Variants in SEMA4D observed in about 807,000 individuals in gnomAD.
SEMA4D encodes the protein semaphorin-4D.
In SEMA4D, 22 loss-of-function variants were observed where a neutral mutation model predicts 74.8. That is an observed-to-expected ratio of 0.29 (90% confidence interval 0.21 to 0.42). SEMA4D has a LOEUF of 0.42. Among genes scored for constraint, SEMA4D ranks in the 10% least tolerant of loss-of-function variants. The pLI, the probability that SEMA4D is intolerant of heterozygous loss-of-function variation, is 1.00. For missense variants in SEMA4D, 937 were observed against 1,118.4 expected, an observed-to-expected ratio of 0.84 and a Z score of 2.31; for synonymous variants, 445 against 463.7, an observed-to-expected ratio of 0.96 and a Z score of 0.52.
chr9:89,450,799 TC>T, intron 2 of SEMA4D: 1 of 787,844 alleles, frequency 1.3e-6, no homozygotes, highest in Non-Finnish European at 2.0e-6. Flanking sequence ...CTCATCCCCT[TC>T]CCACCACACC....
chr9:89,431,143 T>G (rs1849187660), intron 2 of SEMA4D, among the ~76,000 whole-genome samples: 1 of 152,206 alleles, frequency 6.6e-6, no homozygotes, highest in Non-Finnish European at 1.5e-5. Context: ...AAAACAGCAC[T>G]TAAGTGCAAG....
chr9:89,450,581 C>T, intron 2 of SEMA4D: 2 of 933,626 alleles, frequency 2.1e-6, no homozygotes, highest in Non-Finnish European at 3.5e-6. Flanking sequence ...TCCAGCCTGA[C>T]CTCTATAAGT....
chr9:89,373,142 G>A (rs755159746), downstream of SEMA4D, among the ~76,000 whole-genome samples: 10 of 152,076 alleles, frequency 6.6e-5, no homozygotes, highest in South Asian at 2.1e-4. Flanking sequence ...TCAAGCTCTC[G>A]CATCCCCAGG....
chr9:89,450,295 T>C (rs1193145654), intron 2 of SEMA4D: 37 of 921,508 alleles, frequency 4.0e-5, no homozygotes, highest in South Asian at 1.7e-4. Flanking sequence ...AGAACCACTA[T>C]GTACAAATGA....
intron 11 of SEMA4D, 38 bp from the exon 12 acceptor site, chr9:89,387,646 T>A: frequency 6.3e-7 from 1 of 1,591,324 alleles, no homozygotes; most frequent in Non-Finnish European, 8.6e-7. Context: ...CGTGCTCGTG[T>A]CCCACCACGC....
intron 1 of SEMA4D, among the ~76,000 whole-genome samples, chr9:89,483,875 GT>G (rs1394583122): frequency 6.6e-6 from 1 of 152,208 alleles, no homozygotes; most frequent in Non-Finnish European, 1.5e-5. Flanking sequence ...AATAAAAAAT[GT>G]TTTAGCAATA....
intron 16 of SEMA4D, among the ~76,000 whole-genome samples, chr9:89,370,625 G>GT (rs1171717074): frequency 1.3e-5 from 2 of 149,300 alleles, no homozygotes; most frequent in African/African-American, 5.0e-5. Context: ...GGATGTGTGT[G>GT]GGGGGGTACA....
intron 2 of SEMA4D, among the ~76,000 whole-genome samples, chr9:89,446,826 C>T (rs1420350389): frequency 1.3e-5 from 2 of 152,200 alleles, no homozygotes; most frequent in Non-Finnish European, 2.9e-5. Context: ...CTCCCCACAC[C>T]ACGCTGCACC....
intron 13 of SEMA4D, chr9:89,385,062 T>C: frequency 1.0e-6 from 1 of 984,342 alleles, no homozygotes; most frequent in Non-Finnish European, 1.2e-6. Context: ...CTCCTCCTCC[T>C]GGGCGCGAGG....
At position 89,381,493 on chromosome 9, in the gene SEMA4D, G is replaced by T; in HGVS notation, c.1447-147C>A. 3 of 721,134 alleles carry T rather than the reference G, an allele frequency of 4.2e-6. No homozygotes were observed. Among genetic ancestry groups the T allele is most frequent in the Non-Finnish European group, 6.4e-6 (3 of 467,020 alleles). The allele number at this position is 721,134 out of a possible 1,614,324, so 44.7% of individuals were successfully genotyped here. On this transcript the variant is annotated intron_variant, in intron 13 of 15. Coordinates refer to ENST00000422704, the MANE Select transcript of SEMA4D (RefSeq NM_001371194.2). This position sits in a 1 kb window ranked among gnomAD's most constrained non-coding sequence, Gnocchi z 4.6. ...AGGAGGAGAGGTACTCAGAACCAGA[G>T]GCAAACAAGGCAGGTCTGTGACCTT...
chr9:89,407,520 A>C (rs1413551680), intron 2 of SEMA4D, among the ~76,000 whole-genome samples: 1 of 152,206 alleles, frequency 6.6e-6, no homozygotes, highest in African/African-American at 2.4e-5. Flanking sequence ...TTTGTTACCA[A>C]CAAATACCAT....
chr9:89,461,198 C>A (rs958753989), intron 1 of SEMA4D, among the ~76,000 whole-genome samples: 1 of 152,124 alleles, frequency 6.6e-6, no homozygotes, highest in Non-Finnish European at 1.5e-5. Context: ...AATTACAAGG[C>A]TTAAGGTGGT....
chr9:89,430,632 G>A (rs1197907553), intron 2 of SEMA4D, among the ~76,000 whole-genome samples: 1 of 152,230 alleles, frequency 6.6e-6, no homozygotes, highest in East Asian at 1.9e-4. Flanking sequence ...CCTGCCCAGG[G>A]ATGTTTATCT....
chr9:89,405,255 G>T, intron 3 of SEMA4D, 96 bp downstream of exon 3: 1 of 1,012,046 alleles, frequency 9.9e-7, no homozygotes, highest in South Asian at 1.4e-5. Flanking sequence ...CCAGGAAGTG[G>T]GGTCCCTGTC....
chr9:89,376,779 C>T, downstream of SEMA4D: 1 of 1,515,962 alleles, frequency 6.6e-7, no homozygotes. Flanking sequence ...CGCCCCCCAC[C>T]TGTGGGAGGA....
Position 89,388,655 on chromosome 9 carries a change from G to T in SEMA4D, c.1088C>A (p.Pro363His), listed in dbSNP as rs780750117. The change falls in exon 11 of 16, where the codon CCC (proline) becomes CAC (histidine). Residue 363 changes from proline (P) to histidine (H), a missense_variant. Physicochemically the swap from Pro to His is moderately conservative, Grantham distance 77 (BLOSUM62 -2). Coordinates refer to ENST00000422704, the MANE Select transcript of SEMA4D (RefSeq NM_001371194.2). The part of the protein sequence containing the change: ...TKWVRYNGPV[P>H]KPRPGACIDS... ...GCTCACCGCTCCAGGCCGCGGCTTG[G>T]GTACCGGGCCATTATAGCGCACCCA... is the stretch of plus-strand genomic sequence containing the variant. The T allele has an allele frequency of 5.0e-6, 8 of 1,600,924 alleles. No individual in the cohort carries two copies. In the East Asian group the frequency reaches 1.8e-4, roughly 36 times the overall value.
chr9:89,437,243 T>C (rs569022819), intron 2 of SEMA4D, among the ~76,000 whole-genome samples: 255 of 152,238 alleles, frequency 1.7e-3, no homozygotes, highest in African/African-American at 5.8e-3. Flanking sequence ...CACAGTGCAA[T>C]GAAGTGTGGC....
intron 2 of SEMA4D, chr9:89,450,122 C>A: frequency 3.2e-6 from 4 of 1,245,224 alleles, no homozygotes; most frequent in Non-Finnish European, 3.5e-6. Context: ...TGCTGTCACA[C>A]CAGCTGAAGC....
chr9:89,445,375 T>C, intron 2 of SEMA4D, among the ~76,000 whole-genome samples: 1 of 152,180 alleles, frequency 6.6e-6, no homozygotes, highest in Non-Finnish European at 1.5e-5. Flanking sequence ...GACCACAAAC[T>C]GGGTGGCTTA....
Sources: allele counts gnomAD v4.1 joint callset (sites outside exome capture counted in the v4.1 genomes callset), GRCh38; gene constraint gnomAD v4.1.1; non-coding constraint Gnocchi (gnomAD v3.1); transcripts MANE v1.5; gene names NCBI Gene and HGNC (gene_info 2026-07-23, HGNC 2026-07-21).